The following NUDCD2 variants were observed in gnomAD, a reference collection of about 807,000 sequenced individuals.
NUDCD2 encodes NudC domain containing 2, also known as nudC domain-containing protein 2.
Under a neutral mutation model 20.8 loss-of-function variants are expected in NUDCD2, and 16 were observed. That is an observed-to-expected ratio of 0.77 (90% CI 0.52 to 1.17). NUDCD2 has a LOEUF of 1.17. Ranked by LOEUF, NUDCD2 falls within the 50% of genes most tolerant of loss-of-function variation. NUDCD2 has a pLI of 0.00. For missense variants in NUDCD2, 199 were observed against 193.9 expected (o/e 1.03, Z -0.16); for synonymous variants, 87 against 72.8 (o/e 1.20, Z -1.00).
intron 3 of NUDCD2, among the ~76,000 whole-genome samples, chr5:163,456,511 T>G (rs1212412855): frequency 6.6e-6 from 1 of 152,044 alleles, no homozygotes; most frequent in Admixed American, 6.6e-5. Flanking sequence ...ATACACACAG[T>G]GTGATCCTCC....
rs1173457317 is a variant in NUDCD2 at position 163,446,586 on chromosome 5, CATG to C, written c.*7378_*7380del. ...GCCACATTAACTTCTGTGCTGTCAT[CATG>C]ATCATAGAATAATAACAACACTCAA... On this transcript the variant is annotated 3_prime_UTR_variant, in exon 4 of 4. Coordinates refer to ENST00000302764, the MANE Select transcript of NUDCD2 (RefSeq NM_145266.6). 6.6e-6 allele frequency: 1 copy of C among 152,206 alleles called. No individual in the cohort carries two copies. The highest frequency in any genetic ancestry group is 6.5e-5 in the Admixed American group (1 of 15,274). 9.4% of individuals were successfully genotyped at this position (152,206 alleles called of 1,614,324 possible). A position where few individuals can be genotyped will look rare whatever the true frequency, so the allele number is the denominator to read the frequency against.
At chr5:163,455,643 A>G (rs1758285556) in intron 3 of NUDCD2, among the ~76,000 whole-genome samples, 1 of 151,878 alleles carries the variant, frequency 6.6e-6, no homozygotes, top group African/African-American at 2.4e-5. Context: ...GGGAGCCTAC[A>G]GTCCCAGCTA....
At position 163,454,017 on chromosome 5, in the gene NUDCD2, A is replaced by G. The variant is rs1429601459; in HGVS notation, c.424T>C (p.Ser142Pro). The change falls in exon 4 of 4, where the codon TCA (serine) becomes CCA (proline). Residue 142 changes from serine (S) to proline (P), a missense_variant. Transcript: ENST00000302764. ...PGFDFSGAEI[S>P]GNYTKGGPDF... is the part of the protein sequence containing the mutation. ...GGTCCACCTTTAGTGTAGTTTCCTG[A>G]GATTTCTGCTCCACTGAAGTCAAAA... 1.9e-6 allele frequency: 3 copies of G among 1,559,900 alleles called. No homozygotes were observed. The highest frequency in any genetic ancestry group is 2.6e-6 in the Non-Finnish European group (3 of 1,149,182).
rs367799052 is a variant in NUDCD2 at position 163,451,427 on chromosome 5, T to G, written c.*2540A>C. 3.3e-5 allele frequency: 5 copies of G among 152,168 alleles called. No individual in the cohort carries two copies. The East Asian group carries it at 9.6e-4, about 29-fold the overall frequency. The allele number at this position is 152,168 out of a possible 1,614,324, so 9.4% of individuals were successfully genotyped here. On this transcript the variant is annotated 3_prime_UTR_variant, in exon 4 of 4. Coordinates refer to ENST00000302764, the MANE Select transcript of NUDCD2 (RefSeq NM_145266.6). The stretch of plus-strand genomic sequence containing the variant: ...AGTACAAAGAGAGCACGAGAGTTTT[T>G]ACGGTGATTGAACTCTTCAATACTC...
chr5:163,456,779 A>G lies in NUDCD2; in HGVS notation c.390+150T>C, dbSNP rs78084002. On this transcript the variant is annotated intron_variant, in intron 3 of 3. Transcript: ENST00000302764. ...TTCCGAAAAATCAAATCCATACAAGAAAGGCCATTTTTCTAACAATTCACT... is the reference window on the plus strand; with the variant it reads ...TTCCGAAAAATCAAATCCATACAAGGAAGGCCATTTTTCTAACAATTCACT... 859 of 619,746 alleles carry G rather than the reference A, an allele frequency of 1.4e-3. 4 individuals are homozygous for G. The African/African-American group carries it at 0.014, about 10-fold the overall frequency. The allele number at this position is 619,746 out of a possible 1,614,324, so 38.4% of individuals were successfully genotyped here.
rs1412431060 is a variant in NUDCD2, at chr5:163,460,087, A to G, written c.-37T>C. On this transcript the variant is annotated 5_prime_UTR_variant, in exon 1 of 4. Coordinates refer to ENST00000302764, the MANE Select transcript of NUDCD2 (RefSeq NM_145266.6). ...TCCCGGCCGCGGCCGCACCAGGCGG[A>G]GCCGAGCGCACGCGCGGAATCCCAC... 1.3e-6 allele frequency: 2 copies of G among 1,504,806 alleles called. No individual in the cohort carries two copies. The highest frequency in any genetic ancestry group is 2.4e-5 in the East Asian group (1 of 41,432). The allele number at this position is 1,504,806 out of a possible 1,614,324, so 93.2% of individuals were successfully genotyped here.
Position 163,453,009 on chromosome 5 carries a change from T to G in NUDCD2, c.*958A>C, listed in dbSNP as rs1421218981. 1 of 152,148 alleles carries G rather than the reference T, an allele frequency of 6.6e-6. No homozygotes were observed. The highest frequency in any genetic ancestry group is 1.5e-5 in the Non-Finnish European group (1 of 68,026). The allele number at this position is 152,148 out of a possible 1,614,324, so 9.4% of individuals were successfully genotyped here. A position where few individuals can be genotyped will look rare whatever the true frequency, so the allele number is the denominator to read the frequency against. ...AGATCTGAGGATTAGAGGGTAGTAATGTGTCAACGTAAATTTCCTGATTCT... is the reference window on the plus strand; with the variant it reads ...AGATCTGAGGATTAGAGGGTAGTAAGGTGTCAACGTAAATTTCCTGATTCT... On this transcript the variant is annotated 3_prime_UTR_variant, in exon 4 of 4. Coordinates refer to ENST00000302764, the MANE Select transcript of NUDCD2 (RefSeq NM_145266.6).
chr5:163,455,943 C>T (rs1182161339), intron 3 of NUDCD2, among the ~76,000 whole-genome samples: 1 of 152,078 alleles, frequency 6.6e-6, no homozygotes, highest in East Asian at 1.9e-4. Flanking sequence ...TTTCCTAATA[C>T]ATTGGATAGG....
chr5:163,449,493 T>A lies in NUDCD2; in HGVS notation c.*4474A>T, dbSNP rs1020248232. On this transcript the variant is annotated 3_prime_UTR_variant, in exon 4 of 4. Coordinates refer to ENST00000302764, the MANE Select transcript of NUDCD2 (RefSeq NM_145266.6). ...AAAGAGGTCCTAAATAGATACCTCA[T>A]GTTCATGGATTGGAAGACACAAAAT... is the stretch of plus-strand genomic sequence containing the variant. 3 of 152,222 alleles carry A rather than the reference T, an allele frequency of 2.0e-5. No homozygotes were observed. Among genetic ancestry groups the A allele is most frequent in the Non-Finnish European group, 4.4e-5 (3 of 68,038 alleles). 9.4% of individuals were successfully genotyped at this position (152,222 alleles called of 1,614,324 possible).
chr5:163,458,956 T>C (rs1218251523), intron 1 of NUDCD2: 1 of 152,178 alleles, frequency 6.6e-6, no homozygotes, highest in Non-Finnish European at 1.5e-5. Context: ...ATATATATAA[T>C]AGCTAATAGC....
In NUDCD2 at chr5:163,453,366, T is replaced by C. The variant is rs970179968; in HGVS notation, c.*601A>G. On this transcript the variant is annotated 3_prime_UTR_variant, in exon 4 of 4. Coordinates refer to ENST00000302764, the MANE Select transcript of NUDCD2 (RefSeq NM_145266.6). The stretch of plus-strand genomic sequence containing the variant: ...TAATTACCATGATCACACTTCTCTT[T>C]TGTGTTAATCCACTTCTATTGTTAG... 3 of 152,216 alleles carry C rather than the reference T, an allele frequency of 2.0e-5. No individual in the cohort carries two copies. Among genetic ancestry groups the C allele is most frequent in the Admixed American group, 6.5e-5 (1 of 15,278 alleles). The allele number at this position is 152,216 out of a possible 1,614,324, so 9.4% of individuals were successfully genotyped here.
rs371245624 is a variant in NUDCD2 at position 163,453,950 on chromosome 5, T to C, written c.*17A>G. On this transcript the variant is annotated 3_prime_UTR_variant, in exon 4 of 4. Coordinates refer to ENST00000302764, the MANE Select transcript of NUDCD2 (RefSeq NM_145266.6). Reference sequence around the variant, plus strand: ...GCAATATCTGCTAGGATCCACAGAATGCAGGAAAAAAAGCAGTTATTTCTC... The same window carrying C: ...GCAATATCTGCTAGGATCCACAGAACGCAGGAAAAAAAGCAGTTATTTCTC... 6.5e-4 allele frequency: 937 copies of C among 1,431,280 alleles called. 4 individuals carry two copies. The highest frequency in any genetic ancestry group is 2.6e-3 in the Middle Eastern group (14 of 5,422). The allele number at this position is 1,431,280 out of a possible 1,614,324, so 88.7% of individuals were successfully genotyped here. A position where few individuals can be genotyped will look rare whatever the true frequency, so the allele number is the denominator to read the frequency against.
chr5:163,457,423 T>C (rs1181176213), intron 2 of NUDCD2, 139 bp downstream of exon 2: 1 of 631,418 alleles, frequency 1.6e-6, no homozygotes, highest in African/African-American at 1.9e-5. Flanking sequence ...CTAGGTAACT[T>C]TGACATACAA....
rs1012128968 is a variant in NUDCD2, at chr5:163,451,666, G to C, written c.*2301C>G. On this transcript the variant is annotated 3_prime_UTR_variant, in exon 4 of 4. Coordinates refer to ENST00000302764, the MANE Select transcript of NUDCD2 (RefSeq NM_145266.6). ...TGCCATGGCCTGGAGTGAGGTATTA[G>C]GGTCCAGGCAGGATGAGGAGGACAT... is the stretch of plus-strand genomic sequence containing the variant. The C allele has an allele frequency of 6.6e-6, 1 of 152,222 alleles. No individual in the cohort carries two copies. The highest frequency in any genetic ancestry group is 1.9e-4 in the East Asian group (1 of 5,186). The allele number at this position is 152,222 out of a possible 1,614,324, so 9.4% of individuals were successfully genotyped here. A position where few individuals can be genotyped will look rare whatever the true frequency, so the allele number is the denominator to read the frequency against.
rs1758449936 is a variant in NUDCD2, at chr5:163,460,054, C to T, written c.-4G>A. ...GCTCCTCAAACGGGGCCGACATAAT[C>T]CAGTCCCTCCCGGCCGCGGCCGCAC... On this transcript the variant is annotated 5_prime_UTR_variant, in exon 1 of 4. Coordinates refer to ENST00000302764, the MANE Select transcript of NUDCD2 (RefSeq NM_145266.6). 4 of 1,554,802 alleles carry T rather than the reference C, an allele frequency of 2.6e-6. No homozygotes were observed. In the African/African-American group the frequency reaches 4.1e-5, roughly 16 times the overall value.
chr5:163,459,262 G>A (rs918005910), intron 1 of NUDCD2: 1 of 152,040 alleles, frequency 6.6e-6, no homozygotes, highest in Non-Finnish European at 1.5e-5. Context: ...AGAAAAAGCG[G>A]GTCCAGATCC....
rs947785016 is a variant in NUDCD2 at position 163,454,167 on chromosome 5, C to T, written c.391-117G>A. On this transcript the variant is annotated intron_variant, in intron 3 of 3. Transcript: ENST00000302764. ...GACCAATAAATACATGAAAATATAA[C>T]AGACTTCACTGTTACCACCAAAGTA... 8 of 478,578 alleles carry T rather than the reference C, an allele frequency of 1.7e-5. No individual in the cohort carries two copies. In the East Asian group the frequency reaches 2.7e-4, roughly 16 times the overall value. The allele number at this position is 478,578 out of a possible 1,614,324, so 29.6% of individuals were successfully genotyped here.
At chr5:163,456,820 G>GA (rs1758323231) in intron 3 of NUDCD2, 109 bp downstream of exon 3, 1 of 884,742 alleles carries the variant, frequency 1.1e-6, no homozygotes, top group Non-Finnish European at 1.6e-6. Flanking sequence ...AATTCTTCTA[G>GA]AAAATGTTTG....
At chr5:163,456,640 A>C (rs1758318633) in intron 3 of NUDCD2, among the ~76,000 whole-genome samples, 1 of 152,188 alleles carries the variant, frequency 6.6e-6, no homozygotes, top group Non-Finnish European at 1.5e-5. Context: ...ACACTAGGTA[A>C]GTCTATATTG....
Sources: gnomAD v4.1 joint callset for allele counts (sites outside exome capture counted in the v4.1 genomes callset) on GRCh38, gnomAD v4.1.1 for gene constraint, MANE v1.5 for transcripts, NCBI Gene and HGNC (gene_info 2026-07-23, HGNC 2026-07-21) for gene names.